RASAL2: variants seen among roughly 807,000 people sequenced by gnomAD.
The protein encoded by RASAL2 is ras GTPase-activating protein nGAP.
RASAL2 carries 58 observed loss-of-function variants against 128.9 expected under a neutral mutation model. That is an observed-to-expected ratio of 0.45 (90% CI 0.36 to 0.56). RASAL2 has a LOEUF of 0.56. Ranked by LOEUF, RASAL2 falls within the 20% of genes least tolerant of loss-of-function variation. RASAL2 has a pLI of 0.00. For missense variants in RASAL2, 1,360 were observed against 1,601.6 expected (o/e 0.85, Z 2.57); for synonymous variants, 561 against 580.8 (o/e 0.97, Z 0.49).
chr1:178,108,020 C>T (rs1239541895), intron 1 of RASAL2, among the ~76,000 whole-genome samples: 1 of 152,142 alleles, frequency 6.6e-6, no homozygotes, highest in East Asian at 1.9e-4. Flanking sequence ...TTTTGAGAAA[C>T]TGCCAGACTG....
At chr1:178,445,867 A>G (rs1188376195) in intron 9 of RASAL2, among the ~76,000 whole-genome samples, 1 of 152,168 alleles carries the variant, frequency 6.6e-6, no homozygotes, top group Non-Finnish European at 1.5e-5. Context: ...AAACCTTGTC[A>G]GCATACACTG....
chr1:178,114,675 C>T (rs1286774144), intron 1 of RASAL2, among the ~76,000 whole-genome samples: 5 of 152,114 alleles, frequency 3.3e-5, no homozygotes, highest in Non-Finnish European at 5.9e-5. Context: ...GCGCCCACCA[C>T]CACGCCCGGC....
chr1:178,189,778 T>G, intron 1 of RASAL2, among the ~76,000 whole-genome samples: 1 of 152,224 alleles, frequency 6.6e-6, no homozygotes, highest in East Asian at 1.9e-4. Flanking sequence ...TTATGTGTTT[T>G]TTTCTCATTG....
At chr1:178,159,102 G>C (rs73051412) in intron 1 of RASAL2, among the ~76,000 whole-genome samples, 2 of 152,026 alleles carry the variant, frequency 1.3e-5, no homozygotes, top group African/African-American at 4.8e-5. Flanking sequence ...AATACTTTAG[G>C]AATTATTTTT....
intron 5 of RASAL2, among the ~76,000 whole-genome samples, chr1:178,434,362 A>C (rs1415841002): frequency 6.6e-6 from 1 of 152,118 alleles, no homozygotes; most frequent in Non-Finnish European, 1.5e-5. Context: ...GTGTGTATAC[A>C]TGTATATGTA....
At chr1:178,271,600 T>A (rs1666261105) in intron 1 of RASAL2, among the ~76,000 whole-genome samples, 1 of 152,232 alleles carries the variant, frequency 6.6e-6, no homozygotes. Context: ...TTTATCTGAC[T>A]AGATGTGACC....
In RASAL2 at chr1:178,422,253, C is replaced by T. The variant is rs576591438; in HGVS notation, c.674+1633C>T. On this transcript the variant is annotated intron_variant, in intron 5 of 17. Coordinates refer to ENST00000367649, the MANE Select transcript of RASAL2 (RefSeq NM_170692.4). ...CATGGGAATTGTTTGATTGAATTAC[C>T]AAGAGATTATATTCTCCCAGAGTCT... 2.1e-4 allele frequency among the ~76,000 whole-genome samples: 32 copies of T among 151,922 alleles called. 1 individual carries two copies. In the South Asian group the frequency reaches 2.5e-3, roughly 12 times the overall value.
At position 178,391,431 on chromosome 1, in the gene RASAL2, G is replaced by T. The variant is rs117729778; in HGVS notation, c.564+1225G>T. On this transcript the variant is annotated intron_variant, in intron 4 of 17. Coordinates refer to ENST00000367649, the MANE Select transcript of RASAL2 (RefSeq NM_170692.4). Reference sequence around the variant, plus strand: ...GGTTTGTGAAGTACCTCATTCCTTGGTCATGCTAGATAAATAATTTATTTT... The same window carrying T: ...GGTTTGTGAAGTACCTCATTCCTTGTTCATGCTAGATAAATAATTTATTTT... Among the ~76,000 whole-genome samples, 72 of 152,092 alleles carry T rather than the reference G, an allele frequency of 4.7e-4. 1 individual carries two copies. The East Asian group carries it at 0.013, about 26-fold the overall frequency.
chr1:178,320,337 C>T (rs374295763), intron 3 of RASAL2, among the ~76,000 whole-genome samples: 165 of 152,312 alleles, frequency 1.1e-3, no homozygotes, highest in African/African-American at 3.3e-3. Flanking sequence ...TCGAGCTTCC[C>T]GGCTGCTTTG....
intron 3 of RASAL2, among the ~76,000 whole-genome samples, chr1:178,377,944 A>T (rs1672079222): frequency 6.6e-6 from 1 of 152,014 alleles, no homozygotes; most frequent in Non-Finnish European, 1.5e-5. Flanking sequence ...AATATTTGAA[A>T]ATATTAAAAA....
chr1:178,213,956 G>A (rs1370495920), intron 1 of RASAL2, among the ~76,000 whole-genome samples: 1 of 151,800 alleles, frequency 6.6e-6, no homozygotes, highest in East Asian at 1.9e-4. Context: ...TTCAGGAAGA[G>A]GCTGGACGTG....
chr1:178,326,066 G>A (rs540682560), intron 3 of RASAL2, among the ~76,000 whole-genome samples: 153 of 152,262 alleles, frequency 1.0e-3, no homozygotes, highest in Non-Finnish European at 1.8e-3. Context: ...CACTAGCTAC[G>A]ATTATGCTAC....
intron 1 of RASAL2, among the ~76,000 whole-genome samples, chr1:178,276,921 G>A (rs865835402): frequency 3.8e-4 from 58 of 151,786 alleles, no homozygotes; most frequent in African/African-American, 1.3e-3. Flanking sequence ...GGCCGAGGCT[G>A]GCGGATCACA....
intron 4 of RASAL2, among the ~76,000 whole-genome samples, chr1:178,391,136 C>G (rs894759674): frequency 2.0e-5 from 3 of 152,030 alleles, no homozygotes; most frequent in African/African-American, 7.2e-5. Flanking sequence ...GAGGCTGGGC[C>G]TAGTGGTTCA....
chr1:178,429,965 A>G (rs575042935), intron 5 of RASAL2, among the ~76,000 whole-genome samples: 10 of 151,774 alleles, frequency 6.6e-5, no homozygotes, highest in Non-Finnish European at 1.2e-4. Context: ...CCCCCCAACT[A>G]CCTGAGTCCA....
chr1:178,187,087 C>T (rs1662330001), intron 1 of RASAL2, among the ~76,000 whole-genome samples: 2 of 152,152 alleles, frequency 1.3e-5, no homozygotes, highest in South Asian at 4.1e-4. Flanking sequence ...CTCGGCCTCC[C>T]AAAGTGCTGG....
At chr1:178,108,577 A>C (rs879154229) in intron 1 of RASAL2, among the ~76,000 whole-genome samples, 1 of 152,226 alleles carries the variant, frequency 6.6e-6, no homozygotes, top group Admixed American at 6.5e-5. Context: ...CCAACATTAT[A>C]CAGAAAGCAA....
intron 1 of RASAL2, among the ~76,000 whole-genome samples, chr1:178,211,743 C>T (rs1489417111): frequency 1.3e-5 from 2 of 152,192 alleles, no homozygotes; most frequent in Non-Finnish European, 2.9e-5. Context: ...TTCATTTACT[C>T]TCCCTTTCTC....
intron 2 of RASAL2, among the ~76,000 whole-genome samples, chr1:178,287,966 C>T (rs2102229586): frequency 6.6e-6 from 1 of 151,668 alleles, no homozygotes; most frequent in East Asian, 1.9e-4. Flanking sequence ...ACCCATTCCC[C>T]CAAAAACCTA....
Sources: allele counts gnomAD v4.1 joint callset (sites outside exome capture counted in the v4.1 genomes callset), GRCh38; gene constraint gnomAD v4.1.1; transcripts MANE v1.5; gene names NCBI Gene and HGNC (gene_info 2026-07-23, HGNC 2026-07-21).